The following SZT2 variants were observed in gnomAD, a reference collection of about 807,000 sequenced individuals.
The protein encoded by SZT2 is KICSTOR complex protein SZT2.
SZT2 carries 216 observed loss-of-function variants against 404.2 expected under a neutral mutation model. The ratio of observed to expected loss-of-function variants is 0.53; its 90% CI spans 0.48 to 0.60. SZT2 has a LOEUF of 0.60. Ranked by LOEUF, SZT2 falls within the 20% of genes least tolerant of loss-of-function variation. The pLI is 0.00. For synonymous variants in SZT2, 1,693 were observed against 1,749.9 expected (o/e 0.97, Z 0.81); for missense variants, 3,857 against 4,459.2 (o/e 0.86, Z 3.85).
At chr1:43,391,008 C>G (rs1214816395) in intron 1 of SZT2, among the ~76,000 whole-genome samples, 2 of 152,178 alleles carry the variant, frequency 1.3e-5, no homozygotes, top group Admixed American at 1.3e-4. Flanking sequence ...GGAACTGAGG[C>G]ACAGAGATAT....
chr1:43,422,529 A>G lies in SZT2; in HGVS notation c.1819A>G (p.Thr607Ala), dbSNP rs1287542285. Reference protein sequence around the residue: ...HTPGSNGRYSTIQCRISHSSL... With the variant: ...HTPGSNGRYSAIQCRISHSSL... ...CCCGGGCAGCAATGGGCGCTACAGC[A>G]CTATCCAGTGCAGGATCTCCCACTC... The change falls in exon 13 of 72, where the codon ACT (threonine) becomes GCT (alanine). Residue 607 changes from threonine to alanine, a missense_variant. Physicochemically the swap from Thr to Ala is moderately conservative, Grantham distance 58 (BLOSUM62 0). This residue lies in a region of SZT2 where 1,725 missense variants were observed against 1,881.0 expected (regional missense o/e 0.92). Coordinates refer to ENST00000634258, the MANE Select transcript of SZT2 (RefSeq NM_001365999.1). The G allele has an allele frequency of 1.3e-6, 2 of 1,597,910 alleles. No individual in the cohort carries two copies. The highest frequency in any genetic ancestry group is 2.2e-5 in the South Asian group (2 of 91,034).
chr1:43,419,691 T>C lies in SZT2; in HGVS notation c.880-43T>C, dbSNP rs959069139. ...TTCTCTCCTGTTCTTCCTTCTCCTA[T>C]GCCTCTGTCAGAGCTAGGTCTTCAG... On this transcript the variant is annotated intron_variant, in intron 7 of 71. Transcript: ENST00000634258. 1.9e-5 allele frequency: 28 copies of C among 1,509,614 alleles called. No individual in the cohort carries two copies. In the African/African-American group the frequency reaches 3.3e-4, roughly 18 times the overall value. The allele number at this position is 1,509,614 out of a possible 1,614,324, so 93.5% of individuals were successfully genotyped here.
intron 5 of SZT2, 113 bp from the exon 6 acceptor site, chr1:43,415,847 A>T: frequency 7.8e-7 from 1 of 1,276,724 alleles, no homozygotes; most frequent in Non-Finnish European, 1.1e-6. Context: ...TGAGGTTCTC[A>T]CAGGATTCGG....
chr1:43,446,135 G>T (rs754655977), intron 63 of SZT2, 44 bp from the exon 64 acceptor site: 14 of 1,611,616 alleles, frequency 8.7e-6, no homozygotes, highest in Non-Finnish European at 1.2e-5. Context: ...ACTGATTCGA[G>T]GCTGGTGAGC....
chr1:43,403,731 G>A lies in SZT2; in HGVS notation c.284G>A (p.Arg95Gln), dbSNP rs975533309. ...GTCACCTTCCTGGCTTGGCAGTATCGGTTTGTCATTGAGTTGGACCTTAGC... is the reference window on the plus strand; with the variant it reads ...GTCACCTTCCTGGCTTGGCAGTATCAGTTTGTCATTGAGTTGGACCTTAGC... ...TRVTFLAWQY[R>Q]FVIELDLSPS... Residue 95 changes from arginine (R) to glutamine (Q), a missense_variant, in exon 3 of 72, where the codon CGG becomes CAG. Around this residue, in one of 7 missense-constraint regions of SZT2, gnomAD observed 536 missense variants for 637.4 expected, o/e 0.84. Coordinates refer to ENST00000634258, the MANE Select transcript of SZT2 (RefSeq NM_001365999.1). The A allele has an allele frequency of 2.5e-6, 4 of 1,614,016 alleles. No individual in the cohort carries two copies. The highest frequency in any genetic ancestry group is 2.2e-5 in the South Asian group (2 of 91,084).
chr1:43,391,274 A>G (rs993011452), intron 1 of SZT2, among the ~76,000 whole-genome samples: 1 of 152,054 alleles, frequency 6.6e-6, no homozygotes, highest in African/African-American at 2.4e-5. Flanking sequence ...AGATCATGCC[A>G]TTGCACTTCA....
rs748015088 is a variant in SZT2 at position 43,416,610 on chromosome 1, G to A, written c.848G>A (p.Arg283His). The A allele has an allele frequency of 9.4e-6, 15 of 1,598,068 alleles. No homozygotes were observed. The highest frequency in any genetic ancestry group is 1.1e-5 in the Non-Finnish European group (13 of 1,179,724). ...TGTGAGACACTGCTGAACCAGCTTC[G>A]CAGTGGCACTGTGGCTTGTTCCTTT... ...AVCETLLNQL[R>H]SGTVACSFVQ... is the part of the protein sequence containing the mutation. Residue 283 changes from arginine to histidine, a missense_variant, in exon 7 of 72, where the codon CGC (arginine) becomes CAC (histidine). Transcript: ENST00000634258.
At position 43,423,239 on chromosome 1, in the gene SZT2, G is replaced by A. The variant is rs770971711; in HGVS notation, c.2178G>A (p.Val726=). The change falls in exon 15 of 72, where the codon GTG becomes GTA. Residue 726 remains valine, a synonymous_variant. Coordinates refer to ENST00000634258, the MANE Select transcript of SZT2 (RefSeq NM_001365999.1). Reference sequence around the variant, plus strand: ...GCTCTCCCTCCAAGTCACCCCCCGTGCTGGGGCCACAGCAGGCCCTGTCTG... The same window carrying A: ...GCTCTCCCTCCAAGTCACCCCCCGTACTGGGGCCACAGCAGGCCCTGTCTG... The part of the protein sequence containing the change: ...GGSSPSKSPP[V]LGPQQALSDR... 5.7e-6 allele frequency: 9 copies of A among 1,591,866 alleles called. No homozygotes were observed. Among genetic ancestry groups the A allele is most frequent in the Middle Eastern group, 3.3e-4 (2 of 6,026 alleles).
Position 43,452,247 on chromosome 1 carries a change from A to G in SZT2, c.*1767A>G, listed in dbSNP as rs1656519277. ...CTGCATGCCTCAGGTTCTCCAGAAA[A>G]ACGGCCTCCATCTCAGCCTTGACTG... On this transcript the variant is annotated 3_prime_UTR_variant, in exon 72 of 72. Coordinates refer to ENST00000634258, the MANE Select transcript of SZT2 (RefSeq NM_001365999.1). The G allele has an allele frequency of 1.2e-5, 19 of 1,613,914 alleles. No homozygotes were observed. Among genetic ancestry groups the G allele is most frequent in the African/African-American group, 2.7e-5 (2 of 75,012 alleles).
In SZT2 at chr1:43,451,946, G is replaced by A. The variant is rs201885225; in HGVS notation, c.*1466G>A. 53 of 1,612,114 alleles carry A rather than the reference G, an allele frequency of 3.3e-5. No homozygotes were observed. The Admixed American group carries it at 3.5e-4, about 11-fold the overall frequency. ...GGCTGGGGTCGTACCCTGCTGGGGC[G>A]TGTCCAGGAAGTACTGGGGGTCAGT... is the stretch of plus-strand genomic sequence containing the variant. On this transcript the variant is annotated 3_prime_UTR_variant, in exon 72 of 72. Transcript: ENST00000634258.
At chr1:43,391,647 A>G (rs1648331235) in intron 1 of SZT2, among the ~76,000 whole-genome samples, 1 of 152,234 alleles carries the variant, frequency 6.6e-6, no homozygotes, top group Non-Finnish European at 1.5e-5. Flanking sequence ...GTTTCATTAT[A>G]GATTAAAGTG....
intron 62 of SZT2, 175 bp from the exon 63 acceptor site, chr1:43,445,719 G>A: frequency 1.5e-6 from 1 of 673,792 alleles, no homozygotes; most frequent in Non-Finnish European, 2.7e-6. Flanking sequence ...AGAGAGCCCA[G>A]CCTTGCAGTC....
At chr1:43,444,165 C>T (rs990049526) in intron 62 of SZT2, among the ~76,000 whole-genome samples, 3 of 152,114 alleles carry the variant, frequency 2.0e-5, no homozygotes, top group African/African-American at 7.2e-5. Context: ...GGCGCGATCT[C>T]GGCTCACTGC....
In SZT2 at chr1:43,452,687, C is replaced by G; in HGVS notation, c.*2207C>G. 1.6e-6 allele frequency: 1 copy of G among 607,054 alleles called. No individual in the cohort carries two copies. 37.6% of individuals were successfully genotyped at this position (607,054 alleles called of 1,614,324 possible). On this transcript the variant is annotated 3_prime_UTR_variant, in exon 72 of 72. Coordinates refer to ENST00000634258, the MANE Select transcript of SZT2 (RefSeq NM_001365999.1). ...CTGTCTCTACTTCCTCTCCTCGCAT[C>G]TACTTAGCCTTTTCCCATCTGTTTT...
chr1:43,394,269 C>T (rs996265828), intron 1 of SZT2, among the ~76,000 whole-genome samples: 4 of 137,436 alleles, frequency 2.9e-5, no homozygotes, highest in East Asian at 2.2e-4. Flanking sequence ...AGTGCAGTGG[C>T]GTGATCTTGG....
chr1:43,429,830 C>T lies in SZT2; in HGVS notation c.4294C>T (p.His1432Tyr), dbSNP rs1452131308. 3.1e-6 allele frequency: 5 copies of T among 1,614,196 alleles called. 1 individual carries two copies. The highest frequency in any genetic ancestry group is 4.2e-6 in the Non-Finnish European group (5 of 1,180,040). Reference sequence around the variant, plus strand: ...CAGAGGAGAGGCCCATGGTGCCCTTCATAGCGTCATCCAGGTGGGAAGCTT... The same window carrying T: ...CAGAGGAGAGGCCCATGGTGCCCTTTATAGCGTCATCCAGGTGGGAAGCTT... ...QLRGEAHGAL[H>Y]SVIQEKFLEI... Residue 1432 changes from histidine to tyrosine, a missense_variant, in exon 29 of 72, where the codon CAT (histidine) becomes TAT (tyrosine). His to Tyr is a moderately conservative substitution (Grantham distance 83, BLOSUM62 2). Transcript: ENST00000634258.
chr1:43,398,063 T>TA (rs1034287548), intron 1 of SZT2, among the ~76,000 whole-genome samples: 10 of 152,212 alleles, frequency 6.6e-5, no homozygotes, highest in Non-Finnish European at 1.3e-4. Context: ...ACCCTGGCCT[T>TA]ACGTGGGCCA....
chr1:43,425,708 A>G lies in SZT2; in HGVS notation c.2814+66A>G. On this transcript the variant is annotated intron_variant, in intron 19 of 71. Coordinates refer to ENST00000634258, the MANE Select transcript of SZT2 (RefSeq NM_001365999.1). The surrounding 1 kb of genome is among the most constrained non-coding windows in gnomAD (Gnocchi z 4.3). Reference sequence around the variant, plus strand: ...ATTGGGGTGCCATCTCTTTTGGAGTACTGCAGTCTGTGGGCTTCCTGGTCC... The same window carrying G: ...ATTGGGGTGCCATCTCTTTTGGAGTGCTGCAGTCTGTGGGCTTCCTGGTCC... The G allele has an allele frequency of 6.2e-7, 1 of 1,601,730 alleles. No homozygotes were observed. Among genetic ancestry groups the G allele is most frequent in the Admixed American group, 1.7e-5 (1 of 59,702 alleles).
chr1:43,433,592 G>A lies in SZT2; in HGVS notation c.5804+402G>A, dbSNP rs562225755. ...AGGTTAGGAGTTCGATACCAGCCTG[G>A]CCAACATGGTGAAACCCCGTCTCCA... On this transcript the variant is annotated intron_variant, in intron 40 of 71. Coordinates refer to ENST00000634258, the MANE Select transcript of SZT2 (RefSeq NM_001365999.1). 1.5e-3 allele frequency among the ~76,000 whole-genome samples: 229 copies of A among 152,288 alleles called. 1 individual carries two copies. The highest frequency in any genetic ancestry group is 5.2e-3 in the African/African-American group (215 of 41,566).
Sources: gnomAD v4.1 joint callset for allele counts (sites outside exome capture counted in the v4.1 genomes callset) on GRCh38, gnomAD v4.1.1 for gene constraint, gnomAD v4.1.1 regional missense constraint, Gnocchi (gnomAD v3.1) non-coding constraint, MANE v1.5 for transcripts, NCBI Gene and HGNC (gene_info 2026-07-23, HGNC 2026-07-21) for gene names.